NEDD4L: variants seen among roughly 807,000 people sequenced by gnomAD.
NEDD4L encodes the protein NEDD4 like E3 ubiquitin protein ligase.
In NEDD4L, 54 loss-of-function variants were observed where a neutral mutation model predicts 148.9. That is an observed-to-expected ratio of 0.36 (90% confidence interval 0.29 to 0.45). The LOEUF (loss-of-function observed/expected upper bound fraction) is 0.45, where lower values mean the gene tolerates loss of function less well. Among genes scored for constraint, NEDD4L ranks in the 20% least tolerant of loss-of-function variants. The pLI is 1.00. For synonymous variants in NEDD4L, 433 were observed against 440.7 expected (o/e 0.98, Z 0.22); for missense variants, 856 against 1,233.8 (o/e 0.69, Z 4.59).
intron 1 of NEDD4L, among the ~76,000 whole-genome samples, chr18:58,098,034 A>G (rs1207594283): frequency 6.6e-6 from 1 of 152,186 alleles, no homozygotes; most frequent in Non-Finnish European, 1.5e-5. Flanking sequence ...GTCTCAAAAT[A>G]GCAACAAAAA....
intron 17 of NEDD4L, among the ~76,000 whole-genome samples, chr18:58,350,718 TG>T (rs1268294676): frequency 6.6e-6 from 1 of 152,246 alleles, no homozygotes; most frequent in Non-Finnish European, 1.5e-5. Context: ...CATGGAATGC[TG>T]CGGTTTCCCT....
intron 11 of NEDD4L, 143 bp downstream of exon 11, chr18:58,331,057 C>T: frequency 2.6e-6 from 2 of 766,788 alleles, no homozygotes; most frequent in Non-Finnish European, 4.1e-6. Context: ...TCCTCCTTCC[C>T]TAGGAGAAGC....
intron 18 of NEDD4L, among the ~76,000 whole-genome samples, chr18:58,356,798 G>A (rs538622444): frequency 1.3e-5 from 2 of 152,116 alleles, no homozygotes; most frequent in African/African-American, 4.8e-5. Context: ...AAAAAAAATC[G>A]TGTGTGTGTT....
At chr18:58,144,029 CTT>C (rs1419994090) in intron 1 of NEDD4L, among the ~76,000 whole-genome samples, 1 of 151,254 alleles carries the variant, frequency 6.6e-6, no homozygotes, top group African/African-American at 2.4e-5. Flanking sequence ...GCTTAGATCT[CTT>C]GTTTTTGTTT....
intron 2 of NEDD4L, among the ~76,000 whole-genome samples, chr18:58,196,382 C>G (rs1044883326): frequency 6.6e-6 from 1 of 152,184 alleles, no homozygotes; most frequent in Non-Finnish European, 1.5e-5. Flanking sequence ...CACATGACCC[C>G]TAACTTGAGT....
intron 5 of NEDD4L, among the ~76,000 whole-genome samples, chr18:58,280,723 A>T (rs918391196): frequency 2.4e-4 from 36 of 152,262 alleles, no homozygotes; most frequent in African/African-American, 8.4e-4. Context: ...TTTTAAAATT[A>T]TGTTAAATAC....
chr18:58,163,595 A>G (rs2146567925), intron 1 of NEDD4L, among the ~76,000 whole-genome samples: 1 of 152,366 alleles, frequency 6.6e-6, no homozygotes, highest in East Asian at 1.9e-4. Context: ...AAACACATTC[A>G]GTCCTGCCAA....
At chr18:58,154,506 C>T (rs2035208044) in intron 1 of NEDD4L, among the ~76,000 whole-genome samples, 1 of 152,186 alleles carries the variant, frequency 6.6e-6, no homozygotes, top group Admixed American at 6.5e-5. Context: ...AGTTATTTGG[C>T]TGGGTGTGAT....
intron 6 of NEDD4L, 111 bp from the exon 7 acceptor site, chr18:58,322,314 C>T (rs548129070): frequency 1.2e-5 from 9 of 764,552 alleles, no homozygotes; most frequent in South Asian, 6.3e-5. Context: ...ACACATTCAG[C>T]GGTGCCACAT....
intron 1 of NEDD4L, among the ~76,000 whole-genome samples, chr18:58,071,780 A>G (rs113505430): frequency 0.02 from 3,029 of 152,290 alleles, 114 homozygotes; most frequent in African/African-American, 0.069. Flanking sequence ...ATGAGGTGCA[A>G]AGTCATGTCT....
chr18:58,118,274 T>C (rs986841870), intron 1 of NEDD4L, among the ~76,000 whole-genome samples: 17 of 152,380 alleles, frequency 1.1e-4, no homozygotes, highest in Non-Finnish European at 2.2e-4. Flanking sequence ...AGGCGCTGCT[T>C]GCGCAGTAAG....
chr18:58,136,225 A>G (rs1206399510), intron 1 of NEDD4L, among the ~76,000 whole-genome samples: 1 of 152,202 alleles, frequency 6.6e-6, no homozygotes, highest in Non-Finnish European at 1.5e-5. Context: ...CAAAGAAAGT[A>G]CATCAGGGAA....
At chr18:58,328,675 CTG>C (rs1273553178) in intron 9 of NEDD4L, among the ~76,000 whole-genome samples, 2 of 152,230 alleles carry the variant, frequency 1.3e-5, no homozygotes, top group South Asian at 2.1e-4. Context: ...TGACTTGTCA[CTG>C]TGGCAAATGG....
intron 6 of NEDD4L, among the ~76,000 whole-genome samples, chr18:58,320,490 C>T (rs558985519): frequency 1.3e-5 from 2 of 152,326 alleles, no homozygotes; most frequent in East Asian, 3.9e-4. Flanking sequence ...GTTGTATCCA[C>T]ATGTCGTTGA....
At chr18:58,322,215 G>A (rs2058851634) in intron 6 of NEDD4L, among the ~76,000 whole-genome samples, 1 of 152,048 alleles carries the variant, frequency 6.6e-6, no homozygotes, top group Admixed American at 6.6e-5. Flanking sequence ...CTGTGGCTGG[G>A]GCTGGCTCCT....
At chr18:58,133,453 C>G (rs1031747349) in intron 1 of NEDD4L, among the ~76,000 whole-genome samples, 4 of 152,078 alleles carry the variant, frequency 2.6e-5, no homozygotes, top group African/African-American at 9.7e-5. Context: ...AGTTATTATG[C>G]CAGATTTAGC....
chr18:58,160,199 A>G (rs2036021781), intron 1 of NEDD4L, among the ~76,000 whole-genome samples: 2 of 152,238 alleles, frequency 1.3e-5, no homozygotes, highest in Non-Finnish European at 2.9e-5. Context: ...GGACTCTAGT[A>G]ACTGCTTATG....
intron 13 of NEDD4L, 107 bp downstream of exon 13, chr18:58,335,644 T>C: frequency 2.3e-6 from 2 of 855,504 alleles, no homozygotes; most frequent in Middle Eastern, 2.2e-4. Flanking sequence ...ATTAGCTCCT[T>C]TGTGCTACAG....
At chr18:58,195,341 T>TAC in intron 2 of NEDD4L, 1 of 1,024,498 alleles carries the variant, frequency 9.8e-7, no homozygotes, top group Non-Finnish European at 1.3e-6. Flanking sequence ...GTCTCTTGAA[T>TAC]ACACGAAGTT....
Sources: allele counts gnomAD v4.1 joint callset (sites outside exome capture counted in the v4.1 genomes callset), GRCh38; gene constraint gnomAD v4.1.1; transcripts MANE v1.5; gene names NCBI Gene and HGNC (gene_info 2026-07-23, HGNC 2026-07-21).